SSBP2: variants seen among roughly 807,000 people sequenced by gnomAD.
SSBP2 encodes single stranded DNA binding protein 2.
A neutral mutation model predicts 61.8 loss-of-function variants in SSBP2; 17 were observed. That is an observed-to-expected ratio of 0.28 (90% CI 0.19 to 0.41). The LOEUF (loss-of-function observed/expected upper bound fraction) is 0.41, where lower values mean the gene tolerates loss of function less well. Among genes scored for constraint, SSBP2 ranks in the 10% least tolerant of loss-of-function variants. SSBP2 has a pLI of 1.00. For missense variants in SSBP2, 310 were observed against 458.7 expected, an observed-to-expected ratio of 0.68 and a Z score of 2.96; for synonymous variants, 139 against 141.3, an observed-to-expected ratio of 0.98 and a Z score of 0.12.
chr5:81,655,972 A>C (rs1750171552), intron 1 of SSBP2, among the ~76,000 whole-genome samples: 1 of 151,658 alleles, frequency 6.6e-6, no homozygotes, highest in Admixed American at 6.6e-5. Context: ...GACCCCACTT[A>C]CTCTTTACTT....
At chr5:81,520,482 T>C (rs1373038668) in intron 4 of SSBP2, among the ~76,000 whole-genome samples, 1 of 152,142 alleles carries the variant, frequency 6.6e-6, no homozygotes, top group Non-Finnish European at 1.5e-5. Flanking sequence ...ACGAAAAAAA[T>C]GAGAATACCA....
At chr5:81,443,752 T>C (rs1763188356) in intron 12 of SSBP2, among the ~76,000 whole-genome samples, 1 of 152,138 alleles carries the variant, frequency 6.6e-6, no homozygotes, top group South Asian at 2.1e-4. Context: ...TTAGTAGAGA[T>C]GGGGTTTCAC....
intron 4 of SSBP2, among the ~76,000 whole-genome samples, chr5:81,531,662 A>G (rs185723440): frequency 6.6e-6 from 1 of 152,274 alleles, no homozygotes; most frequent in Admixed American, 6.5e-5. Context: ...AAATGGCTGT[A>G]GACCAATCAT....
chr5:81,567,484 G>A (rs1773511868), intron 4 of SSBP2, among the ~76,000 whole-genome samples: 2 of 152,244 alleles, frequency 1.3e-5, no homozygotes, highest in South Asian at 4.1e-4. Flanking sequence ...TGCCCAGGCA[G>A]AAGTTTGCTG....
intron 4 of SSBP2, among the ~76,000 whole-genome samples, chr5:81,515,047 A>G (rs1303557710): frequency 6.6e-6 from 1 of 152,014 alleles, no homozygotes; most frequent in Non-Finnish European, 1.5e-5. Flanking sequence ...AATACCTACC[A>G]TTTGTCAGTT....
chr5:81,522,574 C>T (rs910949693), intron 4 of SSBP2, among the ~76,000 whole-genome samples: 7 of 152,002 alleles, frequency 4.6e-5, no homozygotes, highest in Non-Finnish European at 8.8e-5. Context: ...GCAGATATTT[C>T]TAACTTTAAA....
At chr5:81,473,096 A>G (rs969252201) in intron 8 of SSBP2, among the ~76,000 whole-genome samples, 6 of 152,216 alleles carry the variant, frequency 3.9e-5, no homozygotes, top group African/African-American at 1.2e-4. Flanking sequence ...TTATGGCCTC[A>G]TGAGTCTAAC....
chr5:81,454,720 G>A (rs1764015368), intron 10 of SSBP2, among the ~76,000 whole-genome samples: 1 of 151,750 alleles, frequency 6.6e-6, no homozygotes, highest in Admixed American at 6.6e-5. Context: ...ATAAAAAAGA[G>A]AGAGAGAGAA....
chr5:81,623,999 A>C (rs1455865747), intron 3 of SSBP2, among the ~76,000 whole-genome samples: 1 of 152,182 alleles, frequency 6.6e-6, no homozygotes, highest in African/African-American at 2.4e-5. Context: ...TCTCATGGCA[A>C]GCCTTGTGCT....
intron 10 of SSBP2, among the ~76,000 whole-genome samples, chr5:81,452,022 G>A (rs750041222): frequency 2.0e-5 from 3 of 152,092 alleles, no homozygotes; most frequent in Non-Finnish European, 4.4e-5. Flanking sequence ...CATTTGAGCT[G>A]GACAGTTGGG....
intron 5 of SSBP2, among the ~76,000 whole-genome samples, chr5:81,495,444 G>A (rs986769171): frequency 1.1e-4 from 17 of 152,036 alleles, no homozygotes; most frequent in African/African-American, 3.6e-4. Flanking sequence ...CGCTGTACTC[G>A]CTTTTCTCTG....
chr5:81,664,034 A>T (rs1335736635), intron 1 of SSBP2, among the ~76,000 whole-genome samples: 2 of 152,162 alleles, frequency 1.3e-5, no homozygotes, highest in Non-Finnish European at 2.9e-5. Flanking sequence ...GGCTCTTCCT[A>T]ATTTCTCTTG....
intron 4 of SSBP2, among the ~76,000 whole-genome samples, chr5:81,564,063 G>T (rs1773250642): frequency 1.3e-5 from 2 of 152,032 alleles, no homozygotes; most frequent in South Asian, 4.1e-4. Context: ...CAAAATGAAT[G>T]ACCCAATTAA....
chr5:81,558,497 TTGAATAAATATGAACA>T (rs11268519), intron 4 of SSBP2, among the ~76,000 whole-genome samples: 70,504 of 151,406 alleles, frequency 0.47, 20,923 homozygotes, highest in African/African-American at 0.85. Context: ...TAGGTGCTAC[TTGAATAAATATGAACA>T]TGAATAAATA....
intron 4 of SSBP2, among the ~76,000 whole-genome samples, chr5:81,544,056 T>C (rs1019294883): frequency 2.6e-5 from 4 of 152,154 alleles, no homozygotes; most frequent in African/African-American, 9.6e-5. Flanking sequence ...TCTTCCTTCC[T>C]TTTTTTCCTT....
chr5:81,740,144 AG>A (rs1756915492), intron 1 of SSBP2, among the ~76,000 whole-genome samples: 1 of 152,184 alleles, frequency 6.6e-6, no homozygotes. Context: ...GTCATTCCCA[AG>A]ATGAACTCCT....
rs886864569 is a variant in SSBP2 at position 81,718,645 on chromosome 5, G to A, written c.62+32336C>T. ...AAGCTCTGAACTGATACTGTTCTAC[G>A]TTAGTTAAATTTATTAACACAAGTA... On this transcript the variant is annotated intron_variant, in intron 1 of 16. Coordinates refer to ENST00000320672, the MANE Select transcript of SSBP2 (RefSeq NM_012446.5). Among the ~76,000 whole-genome samples, 12 of 152,268 alleles carry A rather than the reference G, an allele frequency of 7.9e-5. No homozygotes were observed. The East Asian group carries it at 1.7e-3, about 22-fold the overall frequency.
intron 4 of SSBP2, among the ~76,000 whole-genome samples, chr5:81,518,778 C>T (rs1161957587): frequency 3.3e-5 from 5 of 152,050 alleles, no homozygotes; most frequent in Non-Finnish European, 7.4e-5. Context: ...AAAAATCATC[C>T]TTTGCCTAGT....
At chr5:81,527,332 A>G (rs1415226512) in intron 4 of SSBP2, among the ~76,000 whole-genome samples, 1 of 152,100 alleles carries the variant, frequency 6.6e-6, no homozygotes, top group Non-Finnish European at 1.5e-5. Flanking sequence ...GCAGTGGTGG[A>G]GAAGAAATGC....
Sources: gnomAD v4.1 joint callset for allele counts (sites outside exome capture counted in the v4.1 genomes callset) on GRCh38, gnomAD v4.1.1 for gene constraint, MANE v1.5 for transcripts, NCBI Gene and HGNC (gene_info 2026-07-23, HGNC 2026-07-21) for gene names.